The following CR1L variants were observed in gnomAD, a reference collection of about 807,000 sequenced individuals.
The protein encoded by CR1L is complement component receptor 1-like protein.
A neutral mutation model predicts 62.3 loss-of-function variants in CR1L; 59 were observed. That is an observed-to-expected ratio of 0.95 (90% CI 0.77 to 1.18). The LOEUF (loss-of-function observed/expected upper bound fraction) is 1.18, where lower values mean the gene tolerates loss of function less well. Among genes scored for constraint, CR1L ranks in the 50% most tolerant of loss-of-function variants. The pLI is 0.00. For synonymous variants in CR1L, 279 were observed against 248.7 expected, an observed-to-expected ratio of 1.12 and a Z score of -1.15; for missense variants, 700 against 702.8, an observed-to-expected ratio of 1.00 and a Z score of 0.04.
At chr1:207,684,538 G>A (rs182943856) in intron 4 of CR1L, among the ~76,000 whole-genome samples, 1 of 152,254 alleles carries the variant, frequency 6.6e-6, no homozygotes, top group East Asian at 1.9e-4. Flanking sequence ...TTTAAACTAT[G>A]GTTTGGAAAT....
chr1:207,697,354 T>C, intron 5 of CR1L, 149 bp from the exon 6 acceptor site: 1 of 1,509,404 alleles, frequency 6.6e-7, no homozygotes, highest in Non-Finnish European at 9.0e-7. Context: ...CCTCGCCCTG[T>C]GTATTTAGTT....
At chr1:207,661,954 A>G (rs1371535796) in intron 1 of CR1L, among the ~76,000 whole-genome samples, 2 of 152,146 alleles carry the variant, frequency 1.3e-5, no homozygotes, top group Non-Finnish European at 2.9e-5. Context: ...TCTTTTCTTT[A>G]AGAATGTTGA....
chr1:207,656,623 A>C (rs998544406), intron 1 of CR1L, among the ~76,000 whole-genome samples: 12 of 152,182 alleles, frequency 7.9e-5, no homozygotes, highest in Admixed American at 2.6e-4. Context: ...AGGAAACAAC[A>C]ACCATTGGGA....
intron 10 of CR1L, chr1:207,708,991 G>T: frequency 3.1e-6 from 1 of 324,774 alleles, no homozygotes; most frequent in Non-Finnish European, 6.0e-6. Context: ...TCAGTATCCA[G>T]TTATTTGTAT....
intron 1 of CR1L, chr1:207,657,350 C>A (rs1189941714): frequency 2.4e-6 from 2 of 822,428 alleles, no homozygotes; most frequent in Admixed American, 3.6e-5. Context: ...CCTTCTTCAT[C>A]TGTAAGTACT....
At chr1:207,682,095 T>G (rs1474051624) in intron 3 of CR1L, among the ~76,000 whole-genome samples, 1 of 152,132 alleles carries the variant, frequency 6.6e-6, no homozygotes. Flanking sequence ...TGTATACCTA[T>G]GTAACAAAAC....
At chr1:207,664,140 T>A (rs1663471967) in intron 1 of CR1L, among the ~76,000 whole-genome samples, 1 of 152,202 alleles carries the variant, frequency 6.6e-6, no homozygotes, top group Non-Finnish European at 1.5e-5. Context: ...ATTATTTTGA[T>A]ATGATGGAAG....
intron 4 of CR1L, among the ~76,000 whole-genome samples, chr1:207,684,929 C>T (rs574521580): frequency 4.6e-5 from 7 of 152,206 alleles, no homozygotes; most frequent in East Asian, 3.9e-4. Flanking sequence ...AGAAAGTTTA[C>T]GAGCTTCAGA....
At chr1:207,675,219 CA>C (rs1175823688) in intron 1 of CR1L, among the ~76,000 whole-genome samples, 2 of 152,034 alleles carry the variant, frequency 1.3e-5, no homozygotes, top group Non-Finnish European at 2.9e-5. Flanking sequence ...GCACAAATTG[CA>C]ACCACAAACA....
intron 1 of CR1L, among the ~76,000 whole-genome samples, chr1:207,664,478 G>A (rs1189437533): frequency 2.0e-5 from 3 of 152,138 alleles, no homozygotes; most frequent in Non-Finnish European, 4.4e-5. Context: ...AGTCCTGTAG[G>A]TTTTGAGGGG....
rs1432718549 is a variant in CR1L, at chr1:207,694,349, C to T, written c.464-4C>T. 1 of 1,613,840 alleles carries T rather than the reference C, an allele frequency of 6.2e-7. No homozygotes were observed. Among genetic ancestry groups the T allele is most frequent in the East Asian group, 2.2e-5 (1 of 44,882 alleles). ...TTAAATTGACTGTGCTCTTCCTTTC[C>T]CAGGAATTATTTGTGGGCTACCCCC... On this transcript the variant is annotated splice_region_variant and splice_polypyrimidine_tract_variant and intron_variant, in intron 4 of 11. Transcript: ENST00000508064.
chr1:207,659,852 C>T (rs912386620), intron 1 of CR1L, among the ~76,000 whole-genome samples: 1 of 152,262 alleles, frequency 6.6e-6, no homozygotes, highest in Non-Finnish European at 1.5e-5. Flanking sequence ...GAGACTCCCT[C>T]CTGTGCCTGG....
chr1:207,690,726 G>A (rs181931474), intron 4 of CR1L, among the ~76,000 whole-genome samples: 1 of 152,322 alleles, frequency 6.6e-6, no homozygotes, highest in African/African-American at 2.4e-5. Context: ...AATAGGATTG[G>A]TTCCATCTGC....
At chr1:207,722,955 T>C (rs1210851619) in intron 11 of CR1L, among the ~76,000 whole-genome samples, 1 of 152,210 alleles carries the variant, frequency 6.6e-6, no homozygotes. Flanking sequence ...ATGATGCATC[T>C]ACTAGATTAT....
At position 207,697,601 on chromosome 1, in the gene CR1L, G is replaced by C; in HGVS notation, c.961G>C (p.Gly321Arg). ...GQEVFYSCEP[G>R]YDLRGSTYLH... ...GGAAGTGTTCTACAGCTGTGAGCCC[G>C]GCTACGACCTCAGAGGATCTACGTA... The change falls in exon 6 of 12, where the codon GGC becomes CGC. Residue 321 changes from glycine to arginine, a missense_variant. By Grantham distance (125) the Gly-to-Arg change is moderately radical. Transcript: ENST00000508064. 2 of 1,613,888 alleles carry C rather than the reference G, an allele frequency of 1.2e-6. No homozygotes were observed. Among genetic ancestry groups the C allele is most frequent in the Non-Finnish European group, 1.7e-6 (2 of 1,179,826 alleles).
chr1:207,708,576 A>G (rs1026403587), intron 10 of CR1L, among the ~76,000 whole-genome samples: 1 of 152,210 alleles, frequency 6.6e-6, no homozygotes, highest in Non-Finnish European at 1.5e-5. Flanking sequence ...GTCAACAAAT[A>G]CAAAGTCAGT....
At chr1:207,717,019 C>T (rs1467436089) in intron 10 of CR1L, among the ~76,000 whole-genome samples, 5 of 152,126 alleles carry the variant, frequency 3.3e-5, no homozygotes, top group African/African-American at 1.2e-4. Context: ...CACCAAGAAA[C>T]ATTTACATTG....
At chr1:207,680,288 A>T (rs1401579066) in intron 3 of CR1L, among the ~76,000 whole-genome samples, 1 of 151,558 alleles carries the variant, frequency 6.6e-6, no homozygotes, top group South Asian at 2.1e-4. Flanking sequence ...CACAAAGTCT[A>T]TTTTTTTTTA....
rs185955382 is a variant in CR1L at position 207,696,231 on chromosome 1, G to C, written c.863-1272G>C. ...CCACCACAGCTGCCAGAATGCAGCT[G>C]ATATTGCTGGAGCCAAAGTCATTGG... On this transcript the variant is annotated intron_variant, in intron 5 of 11. Coordinates refer to ENST00000508064, the MANE Select transcript of CR1L (RefSeq NM_175710.2). 2.6e-5 allele frequency among the ~76,000 whole-genome samples: 4 copies of C among 152,348 alleles called. No homozygotes were observed. The East Asian group carries it at 7.7e-4, about 29-fold the overall frequency.
Sources: gnomAD v4.1 joint callset for allele counts (sites outside exome capture counted in the v4.1 genomes callset) on GRCh38, gnomAD v4.1.1 for gene constraint, MANE v1.5 for transcripts, NCBI Gene and HGNC (gene_info 2026-07-23, HGNC 2026-07-21) for gene names.